Variants in ZDHHC11 observed in about 807,000 individuals in gnomAD.
The protein encoded by ZDHHC11 is palmitoyltransferase ZDHHC11.
A neutral mutation model predicts 51.3 loss-of-function variants in ZDHHC11; 44 were observed. The observed-to-expected ratio is 0.86, with a 90% CI of 0.67 to 1.10. ZDHHC11 has a LOEUF of 1.10. Ranked by LOEUF, ZDHHC11 falls within the 50% of genes least tolerant of loss-of-function variation. The pLI is 0.00. For synonymous variants in ZDHHC11, 163 were observed against 222.0 expected, an observed-to-expected ratio of 0.73 and a Z score of 2.36; for missense variants, 400 against 537.7, an observed-to-expected ratio of 0.74 and a Z score of 2.53.
At chr5:819,423 T>G in intron 10 of ZDHHC11, 102 bp downstream of exon 10, 1 of 1,276,936 alleles carries the variant, frequency 7.8e-7, no homozygotes, top group African/African-American at 1.4e-5. Flanking sequence ...CACAGAGTGC[T>G]TCCCTTTTGA....
rs141133396 is a variant in ZDHHC11, at chr5:818,997, A to C, written c.1146+528T>G. 4.8e-4 allele frequency among the ~76,000 whole-genome samples: 73 copies of C among 151,582 alleles called. 1 individual carries two copies. In the East Asian group the frequency reaches 0.012, roughly 25 times the overall value. ...GGACACAGAGTCCATGTATCCATGT[A>C]ACAAACACACACCATTCACACACAT... On this transcript the variant is annotated intron_variant, in intron 10 of 12. Coordinates refer to ENST00000283441, the MANE Select transcript of ZDHHC11 (RefSeq NM_024786.3).
intron 7 of ZDHHC11, among the ~76,000 whole-genome samples, chr5:828,262 A>G (rs1317018125): frequency 6.6e-6 from 1 of 151,358 alleles, no homozygotes; most frequent in Non-Finnish European, 1.5e-5. Context: ...TACACCTTCC[A>G]GACGGGGTGG....
At chr5:814,678 T>C in intron 11 of ZDHHC11, 83 bp downstream of exon 11, 1 of 1,365,502 alleles carries the variant, frequency 7.3e-7, no homozygotes, top group Non-Finnish European at 9.9e-7. Context: ...ACATGTTAAA[T>C]AGAGAACATA....
chr5:840,348 C>G (rs1579733007), intron 5 of ZDHHC11, 147 bp downstream of exon 5: 1 of 1,109,940 alleles, frequency 9.0e-7, no homozygotes, highest in South Asian at 1.3e-5. Flanking sequence ...GAGGCTGACC[C>G]TGAACACATG....
At chr5:807,925 C>T (rs1186152995) in intron 11 of ZDHHC11, among the ~76,000 whole-genome samples, 1 of 151,048 alleles carries the variant, frequency 6.6e-6, no homozygotes, top group Non-Finnish European at 1.5e-5. Context: ...TGGGGGATAT[C>T]AGAGCAACAG....
chr5:836,830 G>A (rs1743920948), intron 6 of ZDHHC11, among the ~76,000 whole-genome samples: 1 of 150,060 alleles, frequency 6.7e-6, no homozygotes, highest in Non-Finnish European at 1.5e-5. Context: ...GGAGGCCAAG[G>A]CGGGCGGATC....
chr5:801,052 C>T, intron 12 of ZDHHC11, 48 bp downstream of exon 12: 1 of 1,604,790 alleles, frequency 6.2e-7, no homozygotes, highest in Non-Finnish European at 8.5e-7. Flanking sequence ...CTCTAGAGAA[C>T]CAAACTTGGG....
Position 849,946 on chromosome 5 carries a change from C to T in ZDHHC11, c.222+435G>A, listed in dbSNP as rs567306542. Among the ~76,000 whole-genome samples the T allele has an allele frequency of 2.0e-5, 3 of 151,448 alleles. No homozygotes were observed. In the South Asian group the frequency reaches 6.3e-4, roughly 32 times the overall value. On this transcript the variant is annotated intron_variant, in intron 1 of 12. Transcript: ENST00000283441. ...TTGACAGCCATCTCCGCAGGGCAGCCCAGAGGCCCTCGCAGTGTGGCCTAA... is the reference window on the plus strand; with the variant it reads ...TTGACAGCCATCTCCGCAGGGCAGCTCAGAGGCCCTCGCAGTGTGGCCTAA...
chr5:796,302 G>T lies in ZDHHC11; in HGVS notation c.*286C>A, dbSNP rs1324224829. Reference sequence around the variant, plus strand: ...AGTTAAGCAGGTGGCTGCATCCTCTGCAGTTGCTGGCAGCCCATCTTCCTG... The same window carrying T: ...AGTTAAGCAGGTGGCTGCATCCTCTTCAGTTGCTGGCAGCCCATCTTCCTG... On this transcript the variant is annotated 3_prime_UTR_variant, in exon 13 of 13. Coordinates refer to ENST00000283441, the MANE Select transcript of ZDHHC11 (RefSeq NM_024786.3). 6.5e-6 allele frequency: 1 copy of T among 154,076 alleles called. No homozygotes were observed. Among genetic ancestry groups the T allele is most frequent in the Non-Finnish European group, 1.5e-5 (1 of 67,966 alleles). 9.5% of individuals were successfully genotyped at this position (154,076 alleles called of 1,614,324 possible). A position where few individuals can be genotyped will look rare whatever the true frequency, so the allele number is the denominator to read the frequency against.
In ZDHHC11 at chr5:808,607, T is replaced by G. The variant is rs410544; in HGVS notation, c.1181+6154A>C. ...CTGGAGTGCAGTGGCACGATCTTGGTTCACTGCAACCTTCACCTCCCAGGT... is the reference window on the plus strand; with the variant it reads ...CTGGAGTGCAGTGGCACGATCTTGGGTCACTGCAACCTTCACCTCCCAGGT... On this transcript the variant is annotated intron_variant, in intron 11 of 12. Coordinates refer to ENST00000283441, the MANE Select transcript of ZDHHC11 (RefSeq NM_024786.3). Among the ~76,000 whole-genome samples the G allele has an allele frequency of 2.9e-3, 414 of 140,976 alleles. 6 individuals carry two copies. The highest frequency in any genetic ancestry group is 0.011 in the African/African-American group (401 of 36,300). 92.5% of individuals were successfully genotyped at this position (140,976 alleles called of 152,430 possible). A position where few individuals can be genotyped will look rare whatever the true frequency, so the allele number is the denominator to read the frequency against.
Position 825,248 on chromosome 5 carries a change from G to C in ZDHHC11, c.939C>G (p.Val313=). 1 of 1,612,340 alleles carries C rather than the reference G, an allele frequency of 6.2e-7. No individual in the cohort carries two copies. Among genetic ancestry groups the C allele is most frequent in the Non-Finnish European group, 8.5e-7 (1 of 1,178,782 alleles). The change falls in exon 8 of 13, where the codon GTC becomes GTG. Residue 313 remains valine (V), a synonymous_variant. Coordinates refer to ENST00000283441, the MANE Select transcript of ZDHHC11 (RefSeq NM_024786.3). ...AGALGSSAQG[V]KAKSSLLIHK... ...GAATCAGCAGGGAGCTCTTGGCTTT[G>C]ACTCTGGTGGGACAGAAAGGAGGAG...
chr5:816,779 C>T, intron 10 of ZDHHC11: 1 of 485,746 alleles, frequency 2.1e-6, no homozygotes, highest in Non-Finnish European at 4.0e-6. Flanking sequence ...GGAGTGGATT[C>T]TGATGCTATT....
At chr5:821,575 G>A (rs1741570789) in intron 9 of ZDHHC11, among the ~76,000 whole-genome samples, 1 of 151,196 alleles carries the variant, frequency 6.6e-6, no homozygotes, top group South Asian at 2.1e-4. Flanking sequence ...CCAGGACAGA[G>A]AACAGCATGT....
At chr5:846,259 G>A (rs387625) in intron 3 of ZDHHC11, among the ~76,000 whole-genome samples, 62 of 133,338 alleles carry the variant, frequency 4.6e-4, no homozygotes, top group Admixed American at 1.4e-3. Context: ...GGCAGGGACC[G>A]CCCGGTGCGT....
intron 10 of ZDHHC11, among the ~76,000 whole-genome samples, chr5:815,179 G>GA (rs1229535195): frequency 1.3e-5 from 2 of 151,542 alleles, no homozygotes; most frequent in African/African-American, 4.8e-5. Flanking sequence ...GGGAAGACTG[G>GA]GAGGACACAG....
In ZDHHC11 at chr5:819,589, A is replaced by T; in HGVS notation, c.1082T>A (p.Leu361Gln). 1 of 1,609,758 alleles carries T rather than the reference A, an allele frequency of 6.2e-7. No individual in the cohort carries two copies. Among genetic ancestry groups the T allele is most frequent in the Non-Finnish European group, 8.5e-7 (1 of 1,176,602 alleles). The change falls in exon 10 of 13, where the codon CTG becomes CAG. Residue 361 changes from leucine to glutamine, a missense_variant. This residue lies in a region of ZDHHC11 where 231 missense variants were observed against 227.4 expected (regional missense o/e 1.02). Coordinates refer to ENST00000283441, the MANE Select transcript of ZDHHC11 (RefSeq NM_024786.3). ...ALGAKARNSR[L>Q]ICRRLCQFST... ...GAACTGACACAGGCGCCTGCAAATCAGCCGGGAGTTCCTGGCCTTGGCTCT... is the reference window on the plus strand; with the variant it reads ...GAACTGACACAGGCGCCTGCAAATCTGCCGGGAGTTCCTGGCCTTGGCTCT...
At chr5:818,807 G>C (rs1300333039) in intron 10 of ZDHHC11, among the ~76,000 whole-genome samples, 1 of 151,512 alleles carries the variant, frequency 6.6e-6, no homozygotes, top group Admixed American at 6.6e-5. Context: ...GCTGCAGTGA[G>C]CCATTATCCC....
At chr5:860,189 GCCTA>G (rs998141098), upstream of ZDHHC11, among the ~76,000 whole-genome samples, 15 of 152,214 alleles carry the variant, frequency 9.9e-5, no homozygotes, top group Admixed American at 9.8e-4. The surrounding 1 kb of genome is among the most constrained non-coding windows in gnomAD (Gnocchi z 4.2). Context: ...GGGCAGGGAA[GCCTA>G]CCTGACAGAG....
intron 8 of ZDHHC11, 24 bp downstream of exon 8, chr5:825,140 G>GC: frequency 6.2e-7 from 1 of 1,600,014 alleles, no homozygotes; most frequent in Middle Eastern, 1.7e-4. Context: ...ACCTCGGGGT[G>GC]CATCGCTGGT....
Sources: gnomAD v4.1 joint callset for allele counts (sites outside exome capture counted in the v4.1 genomes callset) on GRCh38, gnomAD v4.1.1 for gene constraint, gnomAD v4.1.1 regional missense constraint, Gnocchi (gnomAD v3.1) non-coding constraint, MANE v1.5 for transcripts, NCBI Gene and HGNC (gene_info 2026-07-23, HGNC 2026-07-21) for gene names.